Variants in FUT9 observed in about 807,000 individuals in gnomAD.
FUT9 encodes fucosyltransferase 9.
Under a neutral mutation model 29.7 loss-of-function variants are expected in FUT9, and 15 were observed. The ratio of observed to expected loss-of-function variants is 0.51; its 90% CI spans 0.34 to 0.78. The LOEUF is 0.78. FUT9 is among the 30% of genes least tolerant of loss of function. FUT9 has a pLI of 0.01. For synonymous variants in FUT9, 169 were observed against 153.7 expected, an observed-to-expected ratio of 1.10 and a Z score of -0.74; for missense variants, 319 against 425.4, an observed-to-expected ratio of 0.75 and a Z score of 2.20.
chr6:96,198,880 A>AT (rs1773678542), intron 2 of FUT9, among the ~76,000 whole-genome samples: 1 of 151,928 alleles, frequency 6.6e-6, no homozygotes, highest in Non-Finnish European at 1.5e-5. Context: ...GATGGTGAGC[A>AT]TTTTTTCATG....
chr6:96,032,589 TCTTTGAAAATATAA>T (rs1770282964), intron 1 of FUT9, among the ~76,000 whole-genome samples: 1 of 151,596 alleles, frequency 6.6e-6, no homozygotes, highest in Non-Finnish European at 1.5e-5. Context: ...TGAAAAATAT[TCTTTGAAAATATAA>T]CTTTGAAAAT....
chr6:96,047,268 T>C (rs1770580296), intron 1 of FUT9, among the ~76,000 whole-genome samples: 2 of 152,216 alleles, frequency 1.3e-5, no homozygotes, highest in Non-Finnish European at 2.9e-5. Context: ...TATAAGTATG[T>C]GTGACCCTCT....
chr6:96,159,427 G>A (rs1582275003), intron 2 of FUT9, among the ~76,000 whole-genome samples: 2 of 152,158 alleles, frequency 1.3e-5, no homozygotes, highest in Middle Eastern at 6.8e-3. Context: ...AATGAAATAA[G>A]ACATGAGAAA....
intron 1 of FUT9, among the ~76,000 whole-genome samples, chr6:96,103,440 A>T (rs1771622241): frequency 6.6e-6 from 1 of 152,140 alleles, no homozygotes. Context: ...TAAGGCTGCC[A>T]TAATAAATAA....
chr6:96,149,727 A>G (rs181398845), intron 2 of FUT9, among the ~76,000 whole-genome samples: 180 of 152,370 alleles, frequency 1.2e-3, no homozygotes, highest in Non-Finnish European at 2.3e-3. Context: ...TTGTAGATAT[A>G]TAATAGTTGT....
chr6:96,154,713 A>C (rs1772743242), intron 2 of FUT9, among the ~76,000 whole-genome samples: 1 of 152,148 alleles, frequency 6.6e-6, no homozygotes, highest in Non-Finnish European at 1.5e-5. Context: ...TTCCTATAAT[A>C]TTGTCCAATT....
intron 2 of FUT9, among the ~76,000 whole-genome samples, chr6:96,175,134 A>G (rs1170415261): frequency 1.3e-5 from 2 of 151,886 alleles, no homozygotes; most frequent in African/African-American, 4.8e-5. Flanking sequence ...TCAGCAAGAT[A>G]TCAAGTGTCT....
At chr6:96,078,204 T>C (rs2127949768) in intron 1 of FUT9, among the ~76,000 whole-genome samples, 1 of 152,116 alleles carries the variant, frequency 6.6e-6, no homozygotes, top group East Asian at 1.9e-4. Context: ...CTCAACTGTG[T>C]TTTTCAAATT....
intron 1 of FUT9, among the ~76,000 whole-genome samples, chr6:96,081,847 T>C (rs1429977852): frequency 5.3e-5 from 8 of 151,960 alleles, no homozygotes; most frequent in Non-Finnish European, 5.9e-5. Flanking sequence ...TCTCTGACTT[T>C]TAATTTTTGT....
At chr6:96,032,192 C>G (rs78805613) in intron 1 of FUT9, among the ~76,000 whole-genome samples, 8,290 of 151,638 alleles carry the variant, frequency 0.055, 229 homozygotes, top group East Asian at 0.081. Context: ...AAATGTTTCT[C>G]ACACTTTGTT....
intron 2 of FUT9, among the ~76,000 whole-genome samples, chr6:96,150,922 T>C (rs1280810073): frequency 6.6e-6 from 1 of 152,244 alleles, no homozygotes; most frequent in Non-Finnish European, 1.5e-5. Flanking sequence ...TGAAGTTTTA[T>C]AATAGCAAGT....
chr6:96,071,730 C>A (rs1011489670), intron 1 of FUT9, among the ~76,000 whole-genome samples: 10 of 152,066 alleles, frequency 6.6e-5, no homozygotes, highest in African/African-American at 2.4e-4. Context: ...ACATCTATGA[C>A]CAAAATTTTA....
chr6:96,191,810 A>G (rs982872911), intron 2 of FUT9, among the ~76,000 whole-genome samples: 4 of 152,320 alleles, frequency 2.6e-5, no homozygotes, highest in South Asian at 2.1e-4. Flanking sequence ...TCAATAAAAT[A>G]CTGGCAAACC....
At chr6:96,091,508 A>T (rs1007647336) in intron 1 of FUT9, among the ~76,000 whole-genome samples, 1 of 152,088 alleles carries the variant, frequency 6.6e-6, no homozygotes, top group Non-Finnish European at 1.5e-5. Flanking sequence ...TGAGCCCCAT[A>T]TTATGTGATA....
intron 2 of FUT9, among the ~76,000 whole-genome samples, chr6:96,117,137 C>T (rs937665307): frequency 5.8e-4 from 89 of 152,156 alleles, no homozygotes; most frequent in African/African-American, 2.1e-3. Flanking sequence ...ATGAGGCTAA[C>T]TCTAAAAAGA....
chr6:96,076,564 T>G (rs1479708497), intron 1 of FUT9, among the ~76,000 whole-genome samples: 1 of 152,218 alleles, frequency 6.6e-6, no homozygotes, highest in African/African-American at 2.4e-5. Flanking sequence ...ATTTCTTTCA[T>G]TTGAAAATGG....
At chr6:96,091,621 A>G (rs1337228618) in intron 1 of FUT9, among the ~76,000 whole-genome samples, 1 of 152,120 alleles carries the variant, frequency 6.6e-6, no homozygotes, top group Non-Finnish European at 1.5e-5. Flanking sequence ...GAGAAATGTC[A>G]TAATACTTGC....
intron 1 of FUT9, among the ~76,000 whole-genome samples, chr6:96,105,888 A>C (rs1771670449): frequency 6.6e-6 from 1 of 152,198 alleles, no homozygotes; most frequent in South Asian, 2.1e-4. Context: ...TACTTCATAA[A>C]TATCTGTTTC....
rs532856435 is a variant in FUT9, at chr6:96,069,748, C to T, written c.-97-44291C>T. ...CCAGGTTCAAGCGATTCTCCAACCT[C>T]AGCCTCCCTAGTAGCCGAACTACAG... is the stretch of plus-strand genomic sequence containing the variant. On this transcript the variant is annotated intron_variant, in intron 1 of 2. Coordinates refer to ENST00000302103, the MANE Select transcript of FUT9 (RefSeq NM_006581.4). 2.4e-3 allele frequency among the ~76,000 whole-genome samples: 364 copies of T among 152,112 alleles called. 1 individual carries two copies. The highest frequency in any genetic ancestry group is 8.6e-3 in the African/African-American group (356 of 41,510).
Sources: allele counts gnomAD v4.1 joint callset (sites outside exome capture counted in the v4.1 genomes callset), GRCh38; gene constraint gnomAD v4.1.1; transcripts MANE v1.5; gene names NCBI Gene and HGNC (gene_info 2026-07-23, HGNC 2026-07-21).